Variants in TRAPPC9 observed in about 807,000 individuals in gnomAD.
TRAPPC9 encodes trafficking protein particle complex subunit 9.
A neutral mutation model predicts 124.0 loss-of-function variants in TRAPPC9; 83 were observed. The ratio of observed to expected loss-of-function variants is 0.67; its 90% CI spans 0.56 to 0.80. The LOEUF is 0.80. Ranked by LOEUF, TRAPPC9 falls within the 30% of genes least tolerant of loss-of-function variation. The pLI is 0.00. For synonymous variants in TRAPPC9, 638 were observed against 617.5 expected (o/e 1.03, Z -0.49); for missense variants, 1,302 against 1,508.3 (o/e 0.86, Z 2.27).
At chr8:140,341,777 CTAGTGCTCCATTCTGGGT>C (rs2067202977) in intron 9 of TRAPPC9, among the ~76,000 whole-genome samples, 1 of 151,992 alleles carries the variant, frequency 6.6e-6, no homozygotes, top group Non-Finnish European at 1.5e-5. Context: ...GGAAGGGGGG[CTAGTGCTCCATTCTGGGT>C]AGTGAAAAGC....
intron 21 of TRAPPC9, among the ~76,000 whole-genome samples, chr8:139,758,756 T>C (rs1000654114): frequency 6.6e-6 from 1 of 152,186 alleles, no homozygotes; most frequent in Non-Finnish European, 1.5e-5. Flanking sequence ...GTGGAGGTAG[T>C]GGCAGAGAAA....
At chr8:140,173,792 G>A (rs927307195) in intron 17 of TRAPPC9, among the ~76,000 whole-genome samples, 2 of 152,184 alleles carry the variant, frequency 1.3e-5, no homozygotes, top group African/African-American at 2.4e-5. Flanking sequence ...CATCAATGTG[G>A]TACGGAAATA....
At chr8:140,035,394 C>T (rs1187306438) in intron 17 of TRAPPC9, among the ~76,000 whole-genome samples, 1 of 152,200 alleles carries the variant, frequency 6.6e-6, no homozygotes, top group Non-Finnish European at 1.5e-5. Context: ...CAAGAGGAGA[C>T]ACTAAGGTGT....
At chr8:140,128,013 C>T (rs1401784498) in intron 17 of TRAPPC9, among the ~76,000 whole-genome samples, 1 of 152,244 alleles carries the variant, frequency 6.6e-6, no homozygotes, top group Non-Finnish European at 1.5e-5. Context: ...CATCTACTTG[C>T]CTTACTAAAA....
chr8:139,854,924 T>C (rs1827708528), intron 21 of TRAPPC9, among the ~76,000 whole-genome samples: 1 of 152,144 alleles, frequency 6.6e-6, no homozygotes, highest in South Asian at 2.1e-4. Flanking sequence ...GCTACCCCCT[T>C]CCTGGCTTGA....
chr8:139,918,494 C>T (rs1832291523), intron 19 of TRAPPC9, among the ~76,000 whole-genome samples: 1 of 152,246 alleles, frequency 6.6e-6, no homozygotes. Flanking sequence ...AAATTACCCG[C>T]CAGTCACCAG....
intron 1 of TRAPPC9, among the ~76,000 whole-genome samples, chr8:140,456,344 G>A (rs892614538): frequency 1.2e-4 from 18 of 151,762 alleles, no homozygotes; most frequent in Non-Finnish European, 2.1e-4. Context: ...CCCAGGAGGC[G>A]GAGGGTGCAG....
At chr8:140,011,436 G>T (rs1839113634) in intron 18 of TRAPPC9, among the ~76,000 whole-genome samples, 1 of 151,056 alleles carries the variant, frequency 6.6e-6, no homozygotes, top group Non-Finnish European at 1.5e-5. Flanking sequence ...TTAATAATGG[G>T]TGTCTATGTG....
chr8:140,057,862 G>A (rs1025534688), intron 17 of TRAPPC9, among the ~76,000 whole-genome samples: 5 of 152,142 alleles, frequency 3.3e-5, no homozygotes, highest in African/African-American at 1.2e-4. Context: ...AAAAATGAGA[G>A]CAAACTCATA....
intron 8 of TRAPPC9, 57 bp downstream of exon 8, chr8:140,370,907 G>T (rs1263038791): frequency 1.3e-6 from 2 of 1,590,882 alleles, no homozygotes; most frequent in Non-Finnish European, 1.7e-6. Flanking sequence ...GGCTGAAACA[G>T]CATGTGACCA....
intron 19 of TRAPPC9, among the ~76,000 whole-genome samples, chr8:139,918,262 T>C (rs1381395567): frequency 1.3e-5 from 2 of 152,218 alleles, no homozygotes; most frequent in African/African-American, 4.8e-5. Flanking sequence ...AACGGTGGCC[T>C]CTTGCTGCAG....
chr8:139,954,532 CCA>C (rs1283410336), intron 19 of TRAPPC9, among the ~76,000 whole-genome samples: 4 of 152,146 alleles, frequency 2.6e-5, no homozygotes, highest in Non-Finnish European at 5.9e-5. Flanking sequence ...AGCCACCCAC[CCA>C]GTCTGTGGTA....
intron 17 of TRAPPC9, among the ~76,000 whole-genome samples, chr8:140,201,873 G>C (rs2062798668): frequency 6.6e-6 from 1 of 152,154 alleles, no homozygotes; most frequent in African/African-American, 2.4e-5. Context: ...TGCCGTGTCA[G>C]GCGAGAGGGA....
In TRAPPC9 at chr8:140,311,797, A is replaced by C. The variant is rs190372286; in HGVS notation, c.1496-423T>G. 2.0e-3 allele frequency among the ~76,000 whole-genome samples: 306 copies of C among 152,362 alleles called. 3 individuals carry two copies. Among genetic ancestry groups the C allele is most frequent in the Non-Finnish European group, 1.6e-3 (112 of 68,020 alleles). On this transcript the variant is annotated intron_variant, in intron 9 of 22. Coordinates refer to ENST00000438773, the MANE Select transcript of TRAPPC9 (RefSeq NM_001160372.4). ...GGAGTTTGTAATTTATCTGTATGAC[A>C]GACACTTAGGCAAATAATTACAAAT...
intron 20 of TRAPPC9, among the ~76,000 whole-genome samples, chr8:139,890,638 G>C (rs1457975309): frequency 1.3e-5 from 2 of 152,130 alleles, no homozygotes; most frequent in African/African-American, 2.4e-5. Flanking sequence ...GAAGGCGAAG[G>C]CTTGTCTCCC....
chr8:139,973,909 A>C (rs1836267860), intron 19 of TRAPPC9, among the ~76,000 whole-genome samples: 1 of 151,954 alleles, frequency 6.6e-6, no homozygotes, highest in African/African-American at 2.4e-5. Context: ...ACCTCCCCAC[A>C]CACCCTGTGG....
At chr8:140,231,433 C>A (rs1282635571) in intron 16 of TRAPPC9, among the ~76,000 whole-genome samples, 1 of 142,392 alleles carries the variant, frequency 7.0e-6, no homozygotes, top group Non-Finnish European at 1.5e-5. Context: ...GCTAGGCTTT[C>A]AAATCCAAAG....
intron 21 of TRAPPC9, among the ~76,000 whole-genome samples, chr8:139,849,481 G>A (rs1827309631): frequency 6.6e-6 from 1 of 152,212 alleles, no homozygotes; most frequent in African/African-American, 2.4e-5. Flanking sequence ...TTTTCATTAT[G>A]TACCTTATTC....
intron 21 of TRAPPC9, among the ~76,000 whole-genome samples, chr8:139,884,313 C>T (rs1587091434): frequency 6.6e-6 from 1 of 152,092 alleles, no homozygotes; most frequent in Non-Finnish European, 1.5e-5. Flanking sequence ...CTGGGTGCCC[C>T]GTTGGTCACC....
Sources: gnomAD v4.1 joint callset for allele counts (sites outside exome capture counted in the v4.1 genomes callset) on GRCh38, gnomAD v4.1.1 for gene constraint, MANE v1.5 for transcripts, NCBI Gene and HGNC (gene_info 2026-07-23, HGNC 2026-07-21) for gene names.